The following MINDY4 variants were observed in gnomAD, a reference collection of about 807,000 sequenced individuals.
The protein encoded by MINDY4 is MINDY lysine 48 deubiquitinase 4.
In MINDY4, 68 loss-of-function variants were observed where a neutral mutation model predicts 87.0. The observed-to-expected ratio is 0.78, with a 90% CI of 0.64 to 0.96. The LOEUF is 0.96. MINDY4 is among the 40% of genes least tolerant of loss of function. The pLI is 0.00. For missense variants in MINDY4, 919 were observed against 928.2 expected, an observed-to-expected ratio of 0.99 and a Z score of 0.13; for synonymous variants, 379 against 363.2, an observed-to-expected ratio of 1.04 and a Z score of -0.50.
At chr7:30,860,037 A>T (rs992876826) in intron 13 of MINDY4, among the ~76,000 whole-genome samples, 23 of 152,174 alleles carry the variant, frequency 1.5e-4, no homozygotes, top group Non-Finnish European at 1.6e-4. Flanking sequence ...GGTTGTGGAA[A>T]GTACAGTCAA....
intron 5 of MINDY4, among the ~76,000 whole-genome samples, chr7:30,808,763 C>T (rs1787892485): frequency 6.6e-6 from 1 of 152,102 alleles, no homozygotes; most frequent in Non-Finnish European, 1.5e-5. Flanking sequence ...GCACCCAGAC[C>T]AGTTCCTGTA....
intron 6 of MINDY4, among the ~76,000 whole-genome samples, chr7:30,830,087 G>A (rs1170766289): frequency 6.6e-6 from 1 of 152,004 alleles, no homozygotes; most frequent in African/African-American, 2.4e-5. Flanking sequence ...GGGGGTTGGG[G>A]GTTGAGCAGT....
At chr7:30,809,277 T>C (rs934327854) in intron 5 of MINDY4, among the ~76,000 whole-genome samples, 2 of 151,060 alleles carry the variant, frequency 1.3e-5, no homozygotes, top group South Asian at 4.2e-4. Flanking sequence ...GCATTCAATC[T>C]GTAGCGGCAA....
intron 5 of MINDY4, among the ~76,000 whole-genome samples, chr7:30,821,069 CA>C (rs1788314047): frequency 6.6e-6 from 1 of 152,222 alleles, no homozygotes; most frequent in South Asian, 2.1e-4. Context: ...TCTACCCCCT[CA>C]AAAAAATGTG....
At chr7:30,888,172 G>A (rs769956757) in intron 17 of MINDY4, among the ~76,000 whole-genome samples, 27 of 152,122 alleles carry the variant, frequency 1.8e-4, no homozygotes, top group Non-Finnish European at 2.9e-4. Context: ...TGATGCCTCT[G>A]GGGGGACAGG....
In MINDY4 at chr7:30,891,330, G is replaced by A. The variant is rs559214338; in HGVS notation, c.2226-627G>A. On this transcript the variant is annotated intron_variant, in intron 17 of 17. Transcript: ENST00000265299. Reference sequence around the variant, plus strand: ...ATGGTCTCACCTACAGTAACTTTTCGTTTTGCAACTGAACTGTTATTCAGT... The same window carrying A: ...ATGGTCTCACCTACAGTAACTTTTCATTTTGCAACTGAACTGTTATTCAGT... Among the ~76,000 whole-genome samples, 127 of 152,196 alleles carry A rather than the reference G, an allele frequency of 8.3e-4. 1 individual carries two copies. The highest frequency in any genetic ancestry group is 1.7e-3 in the South Asian group (8 of 4,824).
At chr7:30,846,536 A>G (rs1256452614) in intron 9 of MINDY4, among the ~76,000 whole-genome samples, 1 of 152,230 alleles carries the variant, frequency 6.6e-6, no homozygotes, top group Non-Finnish European at 1.5e-5. Context: ...CAGGAAATGC[A>G]GACCTGTTTG....
chr7:30,782,821 T>C (rs1787046313), intron 3 of MINDY4, among the ~76,000 whole-genome samples: 1 of 152,232 alleles, frequency 6.6e-6, no homozygotes, highest in Non-Finnish European at 1.5e-5. Context: ...GATTTTTATG[T>C]TACAATCTTG....
chr7:30,891,666 T>C (rs1790795203), intron 17 of MINDY4, among the ~76,000 whole-genome samples: 1 of 152,056 alleles, frequency 6.6e-6, no homozygotes, highest in Non-Finnish European at 1.5e-5. Flanking sequence ...GTGGAGGGCC[T>C]CAGTGGAGGG....
chr7:30,813,773 C>T (rs1236087311), intron 5 of MINDY4, among the ~76,000 whole-genome samples: 1 of 152,238 alleles, frequency 6.6e-6, no homozygotes, highest in East Asian at 1.9e-4. Context: ...TGGTGTAATG[C>T]TCAAAATTTG....
intron 6 of MINDY4, among the ~76,000 whole-genome samples, chr7:30,832,101 A>G (rs1436671879): frequency 2.0e-5 from 3 of 152,140 alleles, no homozygotes; most frequent in Non-Finnish European, 4.4e-5. Context: ...GTAGAAGCCA[A>G]AGGAGTTTGC....
intron 9 of MINDY4, among the ~76,000 whole-genome samples, chr7:30,842,060 C>T (rs1789054983): frequency 6.6e-6 from 1 of 152,186 alleles, no homozygotes; most frequent in African/African-American, 2.4e-5. Flanking sequence ...GATGATTTTT[C>T]CTTAGTTAGG....
At chr7:30,831,636 T>C (rs1260232946) in intron 6 of MINDY4, among the ~76,000 whole-genome samples, 1 of 152,094 alleles carries the variant, frequency 6.6e-6, no homozygotes, top group Non-Finnish European at 1.5e-5. Context: ...TTATTGAAAC[T>C]GAAGCCAGGA....
In MINDY4 at chr7:30,782,341, T is replaced by TG. The variant is rs1491459868; in HGVS notation, c.419+129_419+130insG. On this transcript the variant is annotated intron_variant, in intron 3 of 17. Transcript: ENST00000265299. ...TCAATATAGTCTCTGTGTGTGTATG[T>TG]TTGTGTGTGTGTGTGTGTGTGTGTG... 59 of 607,290 alleles carry TG rather than the reference T, an allele frequency of 9.7e-5. No individual in the cohort carries two copies. The East Asian group carries it at 1.8e-3, about 18-fold the overall frequency. The allele number at this position is 607,290 out of a possible 1,614,324, so 37.6% of individuals were successfully genotyped here. A position where few individuals can be genotyped will look rare whatever the true frequency, so the allele number is the denominator to read the frequency against.
intron 5 of MINDY4, among the ~76,000 whole-genome samples, chr7:30,805,156 C>T (rs1371489785): frequency 1.3e-5 from 2 of 152,192 alleles, no homozygotes; most frequent in East Asian, 1.9e-4. Flanking sequence ...CAGCAGGGCC[C>T]CTGCCGGGAA....
intron 9 of MINDY4, among the ~76,000 whole-genome samples, chr7:30,846,584 A>G (rs368933809): frequency 1.3e-5 from 2 of 152,152 alleles, no homozygotes; most frequent in African/African-American, 4.8e-5. Context: ...GCGCTGAGCT[A>G]TCTGGTAAAG....
chr7:30,785,530 G>C lies in MINDY4; in HGVS notation c.420-219G>C, dbSNP rs576004329. On this transcript the variant is annotated intron_variant, in intron 3 of 17. Transcript: ENST00000265299. Reference sequence around the variant, plus strand: ...GTTATGGATCATCATCTCTGAATTTGTTTGCTTGTTTACTGGTCTTATTTT... The same window carrying C: ...GTTATGGATCATCATCTCTGAATTTCTTTGCTTGTTTACTGGTCTTATTTT... 2.0e-5 allele frequency among the ~76,000 whole-genome samples: 3 copies of C among 152,232 alleles called. No individual in the cohort carries two copies. In the South Asian group the frequency reaches 6.2e-4, roughly 32 times the overall value.
chr7:30,891,610 C>T (rs554444062), intron 17 of MINDY4, among the ~76,000 whole-genome samples: 15 of 152,306 alleles, frequency 9.8e-5, no homozygotes, highest in Non-Finnish European at 2.1e-4. Flanking sequence ...CCATTGGGTC[C>T]TAGTGGAGAG....
chr7:30,875,714 G>A (rs1349059694), intron 15 of MINDY4, 58 bp downstream of exon 15: 3 of 1,530,036 alleles, frequency 2.0e-6, no homozygotes, highest in Non-Finnish European at 2.6e-6. Flanking sequence ...GGAGCAATGA[G>A]GAGGGAAGTG....
Sources: allele counts gnomAD v4.1 joint callset (sites outside exome capture counted in the v4.1 genomes callset), GRCh38; gene constraint gnomAD v4.1.1; transcripts MANE v1.5; gene names NCBI Gene and HGNC (gene_info 2026-07-23, HGNC 2026-07-21).